The following NOL4L variants were observed in gnomAD, a reference collection of about 807,000 sequenced individuals.
NOL4L encodes nucleolar protein 4 like, also known as nucleolar protein 4-like.
In NOL4L, 7 loss-of-function variants were observed where a neutral mutation model predicts 64.5. The ratio of observed to expected loss-of-function variants is 0.11; its 90% CI spans 0.06 to 0.20. The LOEUF (loss-of-function observed/expected upper bound fraction) is 0.20. Ranked by LOEUF, NOL4L falls within the 10% of genes least tolerant of loss-of-function variation. The probability of loss-of-function intolerance (pLI) is 1.00; values close to 1 mark genes in which losing one functional copy is unlikely to be tolerated. For missense variants in NOL4L, 680 were observed against 967.1 expected (o/e 0.70, Z 3.94); for synonymous variants, 413 against 401.0 (o/e 1.03, Z -0.36).
chr20:32,525,592 G>C lies in NOL4L; in HGVS notation c.477+2166C>G, dbSNP rs914048051. Among the ~76,000 whole-genome samples the C allele has an allele frequency of 2.6e-5, 4 of 152,242 alleles. No individual in the cohort carries two copies. The South Asian group carries it at 8.3e-4, about 32-fold the overall frequency. Reference sequence around the variant, plus strand: ...CATGCTGACTGCTCAGCACAATGGTGAATTTTATTTATTTCTTTTTGAGAC... The same window carrying C: ...CATGCTGACTGCTCAGCACAATGGTCAATTTTATTTATTTCTTTTTGAGAC... On this transcript the variant is annotated intron_variant, in intron 2 of 10. Coordinates refer to ENST00000621426, the MANE Select transcript of NOL4L (RefSeq NM_001256798.2).
chr20:32,513,786 G>A (rs182704407), intron 3 of NOL4L, among the ~76,000 whole-genome samples: 318 of 152,190 alleles, frequency 2.1e-3, no homozygotes, highest in South Asian at 4.2e-3. Flanking sequence ...GATCACCTGA[G>A]CCCAGGACGT....
chr20:32,529,676 C>A (rs184617157), intron 1 of NOL4L, among the ~76,000 whole-genome samples: 3 of 152,318 alleles, frequency 2.0e-5, no homozygotes, highest in African/African-American at 7.2e-5. Flanking sequence ...AGCCCCACAG[C>A]TAGCGGGCAG....
intron 1 of NOL4L, among the ~76,000 whole-genome samples, chr20:32,540,358 C>T (rs377310031): frequency 1.3e-5 from 2 of 152,218 alleles, no homozygotes; most frequent in African/African-American, 4.8e-5. Context: ...CTGTCACACA[C>T]AGTTAAGGTC....
chr20:32,583,646 GC>G (rs568814676), intron 1 of NOL4L, among the ~76,000 whole-genome samples: 1,501 of 141,012 alleles, frequency 0.011, 14 homozygotes, highest in Admixed American at 0.011. Flanking sequence ...GGGAGCGGCC[GC>G]CCCCCCCCCA....
chr20:32,567,562 C>T (rs768198684), intron 1 of NOL4L, among the ~76,000 whole-genome samples: 1 of 152,184 alleles, frequency 6.6e-6, no homozygotes, highest in Admixed American at 6.5e-5. Flanking sequence ...GTGCTGAGTC[C>T]CCCACAGAGG....
At chr20:32,535,695 GCT>G (rs2018498405) in intron 1 of NOL4L, 3 of 985,384 alleles carry the variant, frequency 3.0e-6, no homozygotes, top group African/African-American at 3.5e-5. Context: ...CCTCCAAGCA[GCT>G]CTGAGTCTTT....
chr20:32,531,457 A>G (rs1245770651), intron 1 of NOL4L, among the ~76,000 whole-genome samples: 1 of 150,910 alleles, frequency 6.6e-6, no homozygotes, highest in Non-Finnish European at 1.5e-5. Flanking sequence ...GGTTCAAACG[A>G]TTCTCCTGCC....
At position 32,452,452 on chromosome 20, in the gene NOL4L, G is replaced by A. The variant is rs779250690; in HGVS notation, c.1621-15C>T. 5.2e-6 allele frequency: 8 copies of A among 1,543,126 alleles called. No individual in the cohort carries two copies. Among genetic ancestry groups the A allele is most frequent in the African/African-American group, 1.4e-5 (1 of 72,506 alleles). Reference sequence around the variant, plus strand: ...ATGGGCTCATCCTGCAGAGGGGAGAGGGGGGCGCTGGGGAAACCAAGGGGC... The same window carrying A: ...ATGGGCTCATCCTGCAGAGGGGAGAAGGGGGCGCTGGGGAAACCAAGGGGC... On this transcript the variant is annotated splice_polypyrimidine_tract_variant and intron_variant, in intron 9 of 10. Transcript: ENST00000621426.
At chr20:32,537,016 C>G (rs1009321989) in intron 1 of NOL4L, 441 of 974,818 alleles carry the variant, frequency 4.5e-4, no homozygotes, top group Non-Finnish European at 5.2e-4. Flanking sequence ...CTCGCGTCCC[C>G]CTTCCGGCCC....
At chr20:32,528,045 A>T in intron 1 of NOL4L, 132 bp from the exon 2 acceptor site, 4 of 531,142 alleles carry the variant, frequency 7.5e-6, no homozygotes, top group East Asian at 4.3e-5. Flanking sequence ...GAGGGGAGGG[A>T]GCCTACCGAG....
At position 32,463,939 on chromosome 20, in the gene NOL4L, C is replaced by T. The variant is rs775425388; in HGVS notation, c.842-7544G>A. Among the ~76,000 whole-genome samples, 1 of 152,224 alleles carries T rather than the reference C, an allele frequency of 6.6e-6. No individual in the cohort carries two copies. The highest frequency in any genetic ancestry group is 1.5e-5 in the Non-Finnish European group (1 of 68,042). On this transcript the variant is annotated intron_variant, in intron 5 of 10. Coordinates refer to ENST00000621426, the MANE Select transcript of NOL4L (RefSeq NM_001256798.2). This position sits in a 1 kb window ranked among gnomAD's most constrained non-coding sequence, Gnocchi z 5.8. ...ACTGGAGGCCAGCAGGCCCTGCGTGCAGACTGCCTTCCGTGTCCAGAGGTG... is the reference window on the plus strand; with the variant it reads ...ACTGGAGGCCAGCAGGCCCTGCGTGTAGACTGCCTTCCGTGTCCAGAGGTG...
chr20:32,558,623 T>C (rs1038238037), intron 1 of NOL4L, among the ~76,000 whole-genome samples: 1 of 152,090 alleles, frequency 6.6e-6, no homozygotes, highest in Non-Finnish European at 1.5e-5. Flanking sequence ...CTGACAGCCG[T>C]AACGGAGGAT....
At chr20:32,452,003 G>A (rs1421087746) in intron 10 of NOL4L, among the ~76,000 whole-genome samples, 1 of 152,160 alleles carries the variant, frequency 6.6e-6, no homozygotes, top group Non-Finnish European at 1.5e-5. Context: ...AGAAGGGGGC[G>A]GTAGGTTTTT....
chr20:32,497,514 C>G (rs951820369), intron 4 of NOL4L, among the ~76,000 whole-genome samples: 5 of 152,154 alleles, frequency 3.3e-5, no homozygotes, highest in African/African-American at 7.2e-5. Context: ...AGAAAAGCAC[C>G]CTGCCCAAAA....
chr20:32,525,617 C>T (rs1252536891), intron 2 of NOL4L, among the ~76,000 whole-genome samples: 1 of 152,168 alleles, frequency 6.6e-6, no homozygotes, highest in Non-Finnish European at 1.5e-5. Flanking sequence ...CTTTTTGAGA[C>T]AGGGTCTTGC....
At chr20:32,579,337 C>T (rs993338627) in intron 1 of NOL4L, among the ~76,000 whole-genome samples, 4 of 152,254 alleles carry the variant, frequency 2.6e-5, no homozygotes, top group African/African-American at 9.6e-5. Flanking sequence ...TTTACACACA[C>T]ACACATGCAC....
At position 32,504,332 on chromosome 20, in the gene NOL4L, G is replaced by A. The variant is rs549475745; in HGVS notation, c.699+7015C>T. Among the ~76,000 whole-genome samples the A allele has an allele frequency of 9.2e-5, 14 of 152,168 alleles. No homozygotes were observed. The East Asian group carries it at 2.3e-3, about 25-fold the overall frequency. ...TCCCAGCACTTTGGGAGGCTGAGGT[G>A]GGTAGATCACGAGGTCAGTAGATCG... is the stretch of plus-strand genomic sequence containing the variant. On this transcript the variant is annotated intron_variant, in intron 4 of 10. Coordinates refer to ENST00000621426, the MANE Select transcript of NOL4L (RefSeq NM_001256798.2).
At chr20:32,521,898 T>G (rs1290577640) in intron 2 of NOL4L, among the ~76,000 whole-genome samples, 1 of 152,228 alleles carries the variant, frequency 6.6e-6, no homozygotes, top group Non-Finnish European at 1.5e-5. Flanking sequence ...AGGGGCAGCA[T>G]CACCCAAGCG....
intron 5 of NOL4L, among the ~76,000 whole-genome samples, chr20:32,474,116 C>G (rs1161652889): frequency 1.3e-5 from 2 of 152,270 alleles, no homozygotes; most frequent in Non-Finnish European, 2.9e-5. Flanking sequence ...CCCCAGCCAG[C>G]CGCATCGCAT....
Sources: gnomAD v4.1 joint callset for allele counts (sites outside exome capture counted in the v4.1 genomes callset) on GRCh38, gnomAD v4.1.1 for gene constraint, Gnocchi (gnomAD v3.1) non-coding constraint, MANE v1.5 for transcripts, NCBI Gene and HGNC (gene_info 2026-07-23, HGNC 2026-07-21) for gene names.